Variants in SET observed in about 807,000 individuals in gnomAD.
The protein encoded by SET is SET nuclear proto-oncogene.
In SET, 4 loss-of-function variants were observed where a neutral mutation model predicts 39.0. The ratio of observed to expected loss-of-function variants is 0.10; its 90% CI spans 0.05 to 0.23. The LOEUF (loss-of-function observed/expected upper bound fraction) is 0.23, where lower values mean the gene tolerates loss of function less well. Ranked by LOEUF, SET falls within the 10% of genes least tolerant of loss-of-function variation. SET has a pLI of 1.00. For synonymous variants in SET, 114 were observed against 115.9 expected, an observed-to-expected ratio of 0.98 and a Z score of 0.11; for missense variants, 137 against 329.7, an observed-to-expected ratio of 0.42 and a Z score of 4.53.
chr9:128,690,441 T>C (rs1330256553), intron 1 of SET: 1 of 152,178 alleles, frequency 6.6e-6, no homozygotes, highest in East Asian at 1.9e-4. Context: ...TTGTAGGGGG[T>C]TTGTAGTCTT....
intron 3 of SET, 94 bp from the exon 4 acceptor site, chr9:128,692,568 T>C (rs1343574347): frequency 1.3e-6 from 1 of 794,644 alleles, no homozygotes; most frequent in East Asian, 2.6e-5. Flanking sequence ...CCAAAGATGC[T>C]CACTAAGTTC....
rs1476295569 is a variant in SET at position 128,694,981 on chromosome 9, TGCTGGAA to T, written c.*324_*330del. 1 of 270,502 alleles carries T rather than the reference TGCTGGAA, an allele frequency of 3.7e-6. No individual in the cohort carries two copies. The highest frequency in any genetic ancestry group is 2.2e-5 in the African/African-American group (1 of 46,214). The allele number at this position is 270,502 out of a possible 1,614,324, so 16.8% of individuals were successfully genotyped here. A position where few individuals can be genotyped will look rare whatever the true frequency, so the allele number is the denominator to read the frequency against. On this transcript the variant is annotated 3_prime_UTR_variant, in exon 8 of 8. Coordinates refer to ENST00000322030, the MANE Select transcript of SET (RefSeq NM_003011.4). ...AAAGAAAAACCTGCTCCCTTCGCTCTGCTGGAAGCTGGAGGGTGCTAGGCCCCTGTGT... is the reference window on the plus strand; with the variant it reads ...AAAGAAAAACCTGCTCCCTTCGCTCTGCTGGAGGGTGCTAGGCCCCTGTGT...
chr9:128,692,434 G>T, intron 3 of SET: 1 of 306,206 alleles, frequency 3.3e-6, no homozygotes, highest in Non-Finnish European at 6.0e-6. Flanking sequence ...CTCAAAGACG[G>T]GAAAAGATAT....
At position 128,692,631 on chromosome 9, in the gene SET, A is replaced by G. The variant is rs1050980466; in HGVS notation, c.275-31A>G. The G allele has an allele frequency of 2.1e-6, 3 of 1,453,028 alleles. No individual in the cohort carries two copies. The African/African-American group carries it at 4.2e-5, about 20-fold the overall frequency. 90.0% of individuals were successfully genotyped at this position (1,453,028 alleles called of 1,614,324 possible). ...TTGTTGTTAGTGTGTGCCTGTTGAA[A>G]ATTCAGCTGACCTGTAATTTTCTGG... On this transcript the variant is annotated intron_variant, in intron 3 of 7. Coordinates refer to ENST00000322030, the MANE Select transcript of SET (RefSeq NM_003011.4).
chr9:128,692,891 T>C lies in SET; in HGVS notation c.402T>C (p.Phe134=), dbSNP rs375022413. ...IDFYFDENPY[F]ENKVLSKEFH... Reference sequence around the variant, plus strand: ...AGTATTTTGATGAAAATCCTTACTTTGAAAATAAAGTTCTCTCCAAAGAAT... The same window carrying C: ...AGTATTTTGATGAAAATCCTTACTTCGAAAATAAAGTTCTCTCCAAAGAAT... Residue 134 remains phenylalanine (F), a synonymous_variant, in exon 5 of 8, where the codon TTT becomes TTC. Coordinates refer to ENST00000322030, the MANE Select transcript of SET (RefSeq NM_003011.4). The C allele has an allele frequency of 3.1e-6, 5 of 1,597,794 alleles. No homozygotes were observed. The highest frequency in any genetic ancestry group is 4.3e-6 in the Non-Finnish European group (5 of 1,166,302).
chr9:128,689,977 G>A (rs1861459913), intron 1 of SET: 6 of 759,410 alleles, frequency 7.9e-6, no homozygotes, highest in Non-Finnish European at 9.6e-6. Context: ...TCTCTTTATT[G>A]TGCTCCGCCA....
chr9:128,685,205 C>T, upstream of SET: 1 of 1,600,492 alleles, frequency 6.2e-7, no homozygotes. Flanking sequence ...TTGAAACCTA[C>T]CTTGCTGGGT....
chr9:128,693,727 T>G lies in SET; in HGVS notation c.582T>G (p.Thr194=), dbSNP rs1279988783. Residue 194 remains threonine, a synonymous_variant, in exon 6 of 8, where the codon ACT becomes ACG. Transcript: ENST00000322030. ...CAGAGAGCTTCTTTACCTGGTTTAC[T>G]GACCATTCTGATGCAGGTGCTGATG... ...EEPESFFTWF[T]DHSDAGADEL... 2 of 1,613,694 alleles carry G rather than the reference T, an allele frequency of 1.2e-6. No individual in the cohort carries two copies. Among genetic ancestry groups the G allele is most frequent in the East Asian group, 4.5e-5 (2 of 44,890 alleles).
upstream of SET, among the ~76,000 whole-genome samples, chr9:128,685,436 G>T (rs191237111): frequency 5.9e-5 from 9 of 152,318 alleles, 1 homozygote; most frequent in Admixed American, 5.9e-4. Context: ...GACTGGAAGG[G>T]ATGGAAAGGT....
At position 128,696,152 on chromosome 9, in the gene SET, A is replaced by G. The variant is rs1361775428; in HGVS notation, c.*1488A>G. 9.3e-6 allele frequency: 2 copies of G among 215,696 alleles called. No individual in the cohort carries two copies. Among genetic ancestry groups the G allele is most frequent in the Non-Finnish European group, 1.9e-5 (2 of 105,628 alleles). The allele number at this position is 215,696 out of a possible 1,614,324, so 13.4% of individuals were successfully genotyped here. A position where few individuals can be genotyped will look rare whatever the true frequency, so the allele number is the denominator to read the frequency against. The stretch of plus-strand genomic sequence containing the variant: ...TGCATAAGCTTTTTAATGCTGTAAA[A>G]TATAGTCGCTGAAATTAAATGCCAC... On this transcript the variant is annotated 3_prime_UTR_variant, in exon 8 of 8. Transcript: ENST00000322030.
At chr9:128,686,029 CAA>C (rs563113705), upstream of SET, among the ~76,000 whole-genome samples, 2 of 139,946 alleles carry the variant, frequency 1.4e-5, no homozygotes, top group Admixed American at 7.2e-5. Context: ...ACAACAACAA[CAA>C]AAAAAAAAAC....
chr9:128,692,033 AAC>A lies in SET; in HGVS notation c.274+35_274+36del, dbSNP rs764129044. 1.7e-4 allele frequency: 266 copies of A among 1,607,402 alleles called. 2 individuals are homozygous for A. The highest frequency in any genetic ancestry group is 4.4e-5 in the South Asian group (4 of 90,324). On this transcript the variant is annotated intron_variant, in intron 3 of 7. Coordinates refer to ENST00000322030, the MANE Select transcript of SET (RefSeq NM_003011.4). ...TTGGACAGGGCATTGTTAAAGGATA[AAC>A]AGTGTTTGTTAGAATGGAGGAAGCT...
intron 1 of SET, 33 bp from the exon 2 acceptor site, chr9:128,691,137 C>A: frequency 6.5e-7 from 1 of 1,547,962 alleles, no homozygotes; most frequent in Non-Finnish European, 8.9e-7. Context: ...GTAAATTTAT[C>A]TTAGAATTAA....
intron 1 of SET, chr9:128,690,019 GC>G: frequency 9.7e-7 from 1 of 1,029,092 alleles, no homozygotes; most frequent in South Asian, 3.0e-5. Flanking sequence ...CGCCGCCGCC[GC>G]CACATGGTGC....
At chr9:128,683,794 G>A in exon 1 of SET, 1 of 981,140 alleles carries the variant, frequency 1.0e-6, no homozygotes, top group Non-Finnish European at 1.5e-6. Context: ...GGCGGCTCCA[G>A]TGCAGATTTA....
upstream of SET, among the ~76,000 whole-genome samples, chr9:128,686,431 G>A (rs1861287273): frequency 6.6e-6 from 1 of 152,148 alleles, no homozygotes; most frequent in African/African-American, 2.4e-5. Context: ...AGGCAGATAA[G>A]GCACTTAGGA....
chr9:128,692,514 C>A, intron 3 of SET, 148 bp from the exon 4 acceptor site: 1 of 577,408 alleles, frequency 1.7e-6, no homozygotes, highest in African/African-American at 1.9e-5. Flanking sequence ...TAGTGACAGT[C>A]TGATATTGAG....
intron 3 of SET, chr9:128,692,262 CGCTTGTAATCCCA>C (rs1296203540): frequency 2.8e-6 from 1 of 355,246 alleles, no homozygotes; most frequent in Non-Finnish European, 5.1e-6. Context: ...TGGTGGCGCG[CGCTTGTAATCCCA>C]GCTACTCGCT....
chr9:128,694,061 A>AATT lies in SET; in HGVS notation c.810+20_810+21insTTA, dbSNP rs1450299521. 6.7e-7 allele frequency: 1 copy of AATT among 1,497,562 alleles called. No homozygotes were observed. Among genetic ancestry groups the AATT allele is most frequent in the African/African-American group, 1.4e-5 (1 of 70,758 alleles). The allele number at this position is 1,497,562 out of a possible 1,614,324, so 92.8% of individuals were successfully genotyped here. ...AGGAGAGGTAAAAGAAAATTTGGCT[A>AATT]AACCCACAAAGATAACTTTTAAAGA... On this transcript the variant is annotated intron_variant, in intron 7 of 7. Coordinates refer to ENST00000322030, the MANE Select transcript of SET (RefSeq NM_003011.4).
Sources: gnomAD v4.1 joint callset for allele counts (sites outside exome capture counted in the v4.1 genomes callset) on GRCh38, gnomAD v4.1.1 for gene constraint, MANE v1.5 for transcripts, NCBI Gene and HGNC (gene_info 2026-07-23, HGNC 2026-07-21) for gene names.